KIAA1217: variants seen among roughly 807,000 people sequenced by gnomAD.
KIAA1217 encodes the protein KIAA1217, also known as sickle tail protein homolog.
KIAA1217 carries 88 observed loss-of-function variants against 163.9 expected under a neutral mutation model. The ratio of observed to expected loss-of-function variants is 0.54; its 90% CI spans 0.45 to 0.64. The LOEUF (loss-of-function observed/expected upper bound fraction) is 0.64. Ranked by LOEUF, KIAA1217 falls within the 30% of genes least tolerant of loss-of-function variation. The pLI is 0.00. For missense variants in KIAA1217, 2,372 were observed against 2,475.0 expected (o/e 0.96, Z 0.88); for synonymous variants, 903 against 923.1 (o/e 0.98, Z 0.39).
intron 1 of KIAA1217, among the ~76,000 whole-genome samples, chr10:23,928,912 G>A (rs1246795203): frequency 6.6e-6 from 1 of 152,176 alleles, no homozygotes; most frequent in African/African-American, 2.4e-5. Context: ...TCTGTCTGAG[G>A]AGATGACCTA....
At chr10:23,724,453 A>C (rs1313096034) in intron 1 of KIAA1217, among the ~76,000 whole-genome samples, 5 of 152,060 alleles carry the variant, frequency 3.3e-5, no homozygotes, top group South Asian at 2.1e-4. Flanking sequence ...AATTTTCTAT[A>C]TTTCTTATGC....
chr10:24,174,849 GTGT>G (rs557041494), intron 2 of KIAA1217, among the ~76,000 whole-genome samples: 15 of 151,958 alleles, frequency 9.9e-5, no homozygotes, highest in East Asian at 1.9e-4. Context: ...CCAACATGTA[GTGT>G]TGTTGTTGTT....
chr10:23,809,204 C>T (rs1836873179), intron 1 of KIAA1217, among the ~76,000 whole-genome samples: 1 of 151,564 alleles, frequency 6.6e-6, no homozygotes, highest in African/African-American at 2.4e-5. Context: ...ATCATAAAAG[C>T]AAATGCAAGT....
intron 1 of KIAA1217, among the ~76,000 whole-genome samples, chr10:23,753,522 A>G (rs1833764394): frequency 6.6e-6 from 1 of 152,184 alleles, no homozygotes; most frequent in Non-Finnish European, 1.5e-5. Context: ...CAAGCTAGGA[A>G]TTGAATTTGG....
chr10:24,329,266 C>A (rs903748701), intron 2 of KIAA1217, among the ~76,000 whole-genome samples: 1 of 147,092 alleles, frequency 6.8e-6, no homozygotes, highest in African/African-American at 2.5e-5. Flanking sequence ...ATAAATAGTA[C>A]AAATATAAAT....
In KIAA1217 at chr10:24,378,270, C is replaced by T. The variant is rs2052791574; in HGVS notation, c.355-2599C>T. Among the ~76,000 whole-genome samples, 3 of 152,170 alleles carry T rather than the reference C, an allele frequency of 2.0e-5. No individual in the cohort carries two copies. The South Asian group carries it at 6.2e-4, about 32-fold the overall frequency. ...TACTTCTTGACCCAATCAGGAAAGA[C>T]ATTTCCAGGGGCGAGAATTTGATTG... On this transcript the variant is annotated intron_variant, in intron 2 of 20. Transcript: ENST00000376454.
intron 2 of KIAA1217, among the ~76,000 whole-genome samples, chr10:24,328,282 G>A (rs182319341): frequency 4.8e-4 from 73 of 152,250 alleles, no homozygotes; most frequent in African/African-American, 1.7e-3. Context: ...CAGGAATTAG[G>A]GAGAGGTAAG....
chr10:24,430,065 G>C (rs1198231496), intron 3 of KIAA1217, among the ~76,000 whole-genome samples: 2 of 152,180 alleles, frequency 1.3e-5, no homozygotes. Context: ...AGGATAGCTT[G>C]AATTCATGAG....
chr10:23,835,941 A>G (rs1020840282), intron 1 of KIAA1217, among the ~76,000 whole-genome samples: 6 of 152,158 alleles, frequency 3.9e-5, no homozygotes, highest in African/African-American at 7.2e-5. Flanking sequence ...TGTCCCCCCA[A>G]AATTCATGTT....
chr10:24,164,685 G>A (rs2065265087), intron 2 of KIAA1217, among the ~76,000 whole-genome samples: 1 of 152,208 alleles, frequency 6.6e-6, no homozygotes, highest in Non-Finnish European at 1.5e-5. Context: ...GAATGGGCAA[G>A]TAGGGGTGAA....
chr10:24,218,716 C>T (rs1020140737), intron 1 of KIAA1217, among the ~76,000 whole-genome samples: 1 of 152,130 alleles, frequency 6.6e-6, no homozygotes, highest in Non-Finnish European at 1.5e-5. Context: ...GTCTCGATCT[C>T]CTGACCTCGT....
intron 1 of KIAA1217, among the ~76,000 whole-genome samples, chr10:23,873,914 C>CAGTGA (rs746801295): frequency 6.6e-6 from 1 of 152,018 alleles, no homozygotes; most frequent in Non-Finnish European, 1.5e-5. Flanking sequence ...ATTGTTTCAT[C>CAGTGA]AGTGAAGTGA....
At chr10:23,991,918 A>G (rs984232324) in intron 1 of KIAA1217, among the ~76,000 whole-genome samples, 3 of 152,290 alleles carry the variant, frequency 2.0e-5, no homozygotes, top group East Asian at 1.9e-4. Context: ...ACATTATCCC[A>G]TTAAATATAG....
At chr10:24,501,309 T>C (rs370833628) in intron 8 of KIAA1217, 70 bp from the exon 9 acceptor site, 3 of 1,425,568 alleles carry the variant, frequency 2.1e-6, no homozygotes, top group Non-Finnish European at 2.9e-6. Flanking sequence ...GTCATCTGCA[T>C]TGGGATGGGA....
At chr10:24,100,565 T>C (rs1289335425) in intron 2 of KIAA1217, among the ~76,000 whole-genome samples, 1 of 152,240 alleles carries the variant, frequency 6.6e-6, no homozygotes, top group African/African-American at 2.4e-5. Context: ...CTGTGTCTTA[T>C]GTAAGACAAG....
intron 1 of KIAA1217, among the ~76,000 whole-genome samples, chr10:23,988,030 G>C (rs1184311439): frequency 6.7e-6 from 1 of 150,250 alleles, no homozygotes; most frequent in Admixed American, 6.7e-5. Flanking sequence ...ATTTAAAAGT[G>C]TTTTTTTATT....
At chr10:24,177,551 T>G (rs1002189321) in intron 2 of KIAA1217, among the ~76,000 whole-genome samples, 1 of 151,738 alleles carries the variant, frequency 6.6e-6, no homozygotes, top group Admixed American at 6.6e-5. Context: ...CTGGATCAAA[T>G]GATAGAACTA....
At chr10:23,875,300 G>A (rs1412901720) in intron 1 of KIAA1217, among the ~76,000 whole-genome samples, 1 of 152,040 alleles carries the variant, frequency 6.6e-6, no homozygotes. Context: ...CAAGGGACCA[G>A]GACTCTGATA....
upstream of KIAA1217, among the ~76,000 whole-genome samples, chr10:24,207,100 C>A (rs529167659): frequency 6.6e-6 from 1 of 152,230 alleles, no homozygotes; most frequent in South Asian, 2.1e-4. Context: ...GCTGTGGCAG[C>A]CCTCTGCTGC....
Sources: gnomAD v4.1 joint callset for allele counts (sites outside exome capture counted in the v4.1 genomes callset) on GRCh38, gnomAD v4.1.1 for gene constraint, MANE v1.5 for transcripts, NCBI Gene and HGNC (gene_info 2026-07-23, HGNC 2026-07-21) for gene names.